FURIN: variants seen among roughly 807,000 people sequenced by gnomAD.
FURIN encodes FES upstream region.
Under a neutral mutation model 89.2 loss-of-function variants are expected in FURIN, and 18 were observed. That is an observed-to-expected ratio of 0.20 (90% CI 0.14 to 0.30). FURIN has a LOEUF of 0.30. Among genes scored for constraint, FURIN ranks in the 10% least tolerant of loss-of-function variants. The pLI is 1.00. For synonymous variants in FURIN, 508 were observed against 466.4 expected (o/e 1.09, Z -1.15); for missense variants, 879 against 1,100.5 (o/e 0.80, Z 2.85).
In FURIN at chr15:90,881,151, TG is replaced by T; in HGVS notation, c.1792+115del. ...AAAGTCTCAAGAGACCTAGGGCCCC[TG>T]GGGCTCTTGGGATGACCACAGTCCT... On this transcript the variant is annotated intron_variant, in intron 15 of 15. Coordinates refer to ENST00000268171, the MANE Select transcript of FURIN (RefSeq NM_002569.4). This position sits in a 1 kb window ranked among gnomAD's most constrained non-coding sequence, Gnocchi z 4.3. 9.2e-7 allele frequency: 1 copy of T among 1,083,236 alleles called. No individual in the cohort carries two copies. Among genetic ancestry groups the T allele is most frequent in the Non-Finnish European group, 1.4e-6 (1 of 725,482 alleles). The allele number at this position is 1,083,236 out of a possible 1,614,324, so 67.1% of individuals were successfully genotyped here.
rs148423424 is a variant in FURIN, at chr15:90,877,138, C to A, written c.505C>A (p.Pro169Thr). The A allele has an allele frequency of 7.6e-4, 1,219 of 1,611,040 alleles. 1 individual carries two copies. Among genetic ancestry groups the A allele is most frequent in the Non-Finnish European group, 9.7e-4 (1,148 of 1,178,376 alleles). The change falls in exon 6 of 16, where the codon CCT becomes ACT. Residue 169 changes from proline to threonine, a missense_variant. This residue lies in a region of FURIN where 139 missense variants were observed against 215.0 expected (regional missense o/e 0.65). Coordinates refer to ENST00000268171, the MANE Select transcript of FURIN (RefSeq NM_002569.4). The stretch of plus-strand genomic sequence containing the variant: ...ATGGTGGCCAAATCCTTCTTAGGAT[C>A]CTGGGGCCAGTTTTGATGTCAATGA... ...NHPDLAGNYD[P>T]GASFDVNDQD...
At position 90,875,625 on chromosome 15, in the gene FURIN, C is replaced by G; in HGVS notation, c.-116C>G. On this transcript the variant is annotated 5_prime_UTR_variant, in exon 2 of 16. Transcript: ENST00000268171. The stretch of plus-strand genomic sequence containing the variant: ...TCCCGAGCCCTGCCCGTCTCGGCCC[C>G]ATGCCCCCACCAGTCAGCCCCGGGC... 1 of 897,980 alleles carries G rather than the reference C, an allele frequency of 1.1e-6. No homozygotes were observed. 55.6% of individuals were successfully genotyped at this position (897,980 alleles called of 1,614,324 possible).
rs1208988568 is a variant in FURIN at position 90,880,255 on chromosome 15, C to G, written c.1538C>G (p.Ser513Cys). 1 of 1,607,070 alleles carries G rather than the reference C, an allele frequency of 6.2e-7. No individual in the cohort carries two copies. Among genetic ancestry groups the G allele is most frequent in the Admixed American group, 1.7e-5 (1 of 59,652 alleles). The change falls in exon 13 of 16, where the codon TCC becomes TGC. Residue 513 changes from serine (S) to cysteine (C), a missense_variant. Transcript: ENST00000268171. ...IHLVSPMGTR[S>C]TLLAARPHDY... Reference sequence around the variant, plus strand: ...CTGGTCAGCCCCATGGGCACCCGCTCCACCCTGCTGGCAGCCAGGTGCTTG... The same window carrying G: ...CTGGTCAGCCCCATGGGCACCCGCTGCACCCTGCTGGCAGCCAGGTGCTTG...
Position 90,876,196 on chromosome 15 carries a change from C to T in FURIN, c.178-59C>T, listed in dbSNP as rs963102119. On this transcript the variant is annotated intron_variant, in intron 2 of 15. Coordinates refer to ENST00000268171, the MANE Select transcript of FURIN (RefSeq NM_002569.4). This position sits in a 1 kb window ranked among gnomAD's most constrained non-coding sequence, Gnocchi z 5.0. ...ATGAAGCCGTTGTCCACCCCCGTCC[C>T]CCGCCTCCCGGGGACTGACAGATGG... 8.6e-7 allele frequency: 1 copy of T among 1,157,048 alleles called. No individual in the cohort carries two copies. Among genetic ancestry groups the T allele is most frequent in the Non-Finnish European group, 1.3e-6 (1 of 796,528 alleles). The allele number at this position is 1,157,048 out of a possible 1,614,324, so 71.7% of individuals were successfully genotyped here.
intron 1 of FURIN, among the ~76,000 whole-genome samples, chr15:90,872,495 G>A (rs1407347877): frequency 6.6e-6 from 1 of 152,192 alleles, no homozygotes; most frequent in Non-Finnish European, 1.5e-5. Context: ...CTGAGCAGGT[G>A]TGGACACAGC....
At position 90,880,728 on chromosome 15, in the gene FURIN, G is replaced by C; in HGVS notation, c.1594G>C (p.Ala532Pro). 1 of 1,614,058 alleles carries C rather than the reference G, an allele frequency of 6.2e-7. No individual in the cohort carries two copies. The highest frequency in any genetic ancestry group is 8.5e-7 in the Non-Finnish European group (1 of 1,179,952). ...DYSADGFNDW[A>P]FMTTHSWDED... is the part of the protein sequence containing the mutation. The stretch of plus-strand genomic sequence containing the variant: ...CTCCGCAGATGGGTTTAATGACTGG[G>C]CCTTCATGACAACTCATTCCTGGGA... The change falls in exon 14 of 16, where the codon GCC (alanine) becomes CCC (proline). Residue 532 changes from alanine to proline, a missense_variant. Coordinates refer to ENST00000268171, the MANE Select transcript of FURIN (RefSeq NM_002569.4).
At chr15:90,870,625 CCTT>C (rs1382959942) in intron 1 of FURIN, among the ~76,000 whole-genome samples, 2 of 152,288 alleles carry the variant, frequency 1.3e-5, no homozygotes, top group East Asian at 1.9e-4. Context: ...GCCACATTTT[CCTT>C]CTTTTCTTTC....
chr15:90,871,001 G>T, intron 1 of FURIN, among the ~76,000 whole-genome samples: 1 of 152,208 alleles, frequency 6.6e-6, no homozygotes, highest in South Asian at 2.1e-4. Context: ...GGCTACTTCT[G>T]CTCATATATC....
At position 90,876,400 on chromosome 15, in the gene FURIN, C is replaced by T. The variant is rs764694405; in HGVS notation, c.276+47C>T. ...TCCTGCTGCCACCCTCCCCCTCCTG[C>T]TCTCAGGAGCCCCTCTCGCCTCCTG... On this transcript the variant is annotated intron_variant, in intron 3 of 15. Coordinates refer to ENST00000268171, the MANE Select transcript of FURIN (RefSeq NM_002569.4). This position sits in a 1 kb window ranked among gnomAD's most constrained non-coding sequence, Gnocchi z 5.0. The T allele has an allele frequency of 1.3e-6, 2 of 1,496,676 alleles. No individual in the cohort carries two copies. Among genetic ancestry groups the T allele is most frequent in the East Asian group, 4.5e-5 (2 of 44,382 alleles). The allele number at this position is 1,496,676 out of a possible 1,614,324, so 92.7% of individuals were successfully genotyped here.
Position 90,876,593 on chromosome 15 carries a change from C to T in FURIN, c.372+36C>T, listed in dbSNP as rs1384585299. 2 of 1,312,000 alleles carry T rather than the reference C, an allele frequency of 1.5e-6. No homozygotes were observed. Among genetic ancestry groups the T allele is most frequent in the Admixed American group, 1.7e-5 (1 of 58,428 alleles). 81.3% of individuals were successfully genotyped at this position (1,312,000 alleles called of 1,614,324 possible). A position where few individuals can be genotyped will look rare whatever the true frequency, so the allele number is the denominator to read the frequency against. On this transcript the variant is annotated intron_variant, in intron 4 of 15. Coordinates refer to ENST00000268171, the MANE Select transcript of FURIN (RefSeq NM_002569.4). The surrounding 1 kb of genome is among the most constrained non-coding windows in gnomAD (Gnocchi z 5.0). ...TTCTTCGCTGCTGGGACCTCCTCCC[C>T]AGATGCACCATCCACCCACTATGAG... is the stretch of plus-strand genomic sequence containing the variant.
chr15:90,874,875 A>G (rs980222145), intron 1 of FURIN, among the ~76,000 whole-genome samples: 1 of 152,182 alleles, frequency 6.6e-6, no homozygotes, highest in African/African-American at 2.4e-5. Context: ...ATACATGTAT[A>G]AATAGTTTTT....
At position 90,876,260 on chromosome 15, in the gene FURIN, C is replaced by T. The variant is rs73489557; in HGVS notation, c.183C>T (p.Phe61=). 1.0e-2 allele frequency: 15,946 copies of T among 1,601,534 alleles called. 225 individuals carry two copies. Among genetic ancestry groups the T allele is most frequent in the African/African-American group, 0.052 (3,876 of 74,738 alleles). ...KHGFLNLGQI[F]GDYYHFWHRG... is the part of the protein sequence containing the mutation. ...GTCTCCCTGCTCTATTGCAGATCTTCGGGGACTATTACCACTTCTGGCATC... is the reference window on the plus strand; with the variant it reads ...GTCTCCCTGCTCTATTGCAGATCTTTGGGGACTATTACCACTTCTGGCATC... Residue 61 remains phenylalanine (F), a synonymous_variant, in exon 3 of 16, where the codon TTC becomes TTT. Coordinates refer to ENST00000268171, the MANE Select transcript of FURIN (RefSeq NM_002569.4). This position sits in a 1 kb window ranked among gnomAD's most constrained non-coding sequence, Gnocchi z 5.0.
At chr15:90,870,061 A>G (rs1385704372) in intron 1 of FURIN, among the ~76,000 whole-genome samples, 1 of 152,238 alleles carries the variant, frequency 6.6e-6, no homozygotes, top group African/African-American at 2.4e-5. Flanking sequence ...TTCCCGCTCA[A>G]CTTTGAGGAC....
At chr15:90,878,063 C>T (rs1856375581) in intron 7 of FURIN, 69 bp from the exon 8 acceptor site, 3 of 1,518,690 alleles carry the variant, frequency 2.0e-6, no homozygotes, top group Non-Finnish European at 1.8e-6. Flanking sequence ...TGGGTGTGCT[C>T]CTTGGGGTGG....
chr15:90,875,114 A>T lies in FURIN; in HGVS notation c.-159-468A>T, dbSNP rs55946970. Reference sequence around the variant, plus strand: ...CAGTGGCGCGATCTTGGCTCACTGCAACCTCCACCTCCTGGGCTCAAGCAA... The same window carrying T: ...CAGTGGCGCGATCTTGGCTCACTGCTACCTCCACCTCCTGGGCTCAAGCAA... On this transcript the variant is annotated intron_variant, in intron 1 of 15. Transcript: ENST00000268171. Among the ~76,000 whole-genome samples, 1,389 of 148,510 alleles carry T rather than the reference A, an allele frequency of 9.4e-3. 20 individuals are homozygous for T. Among genetic ancestry groups the T allele is most frequent in the African/African-American group, 0.034 (1,345 of 39,876 alleles).
chr15:90,870,711 G>A (rs1215044229), intron 1 of FURIN, among the ~76,000 whole-genome samples: 2 of 152,194 alleles, frequency 1.3e-5, no homozygotes, highest in East Asian at 3.9e-4. Context: ...AGAGGCTCCG[G>A]CTGGTATATT....
chr15:90,874,551 CCTAAAAGCA>C (rs1215831128), intron 1 of FURIN, among the ~76,000 whole-genome samples: 2 of 152,228 alleles, frequency 1.3e-5, no homozygotes, highest in Non-Finnish European at 2.9e-5. Context: ...GGACATGGCC[CCTAAAAGCA>C]CCATCCCATT....
At position 90,880,109 on chromosome 15, in the gene FURIN, G is replaced by T. The variant is rs6225; in HGVS notation, c.1392G>T (p.Arg464=). 23,416 of 1,606,142 alleles carry T rather than the reference G, an allele frequency of 0.015. 266 individuals are homozygous for T. Among genetic ancestry groups the T allele is most frequent in the Middle Eastern group, 0.024 (145 of 6,022 alleles). Residue 464 remains arginine, a synonymous_variant, in exon 13 of 16, where the codon CGG becomes CGT. Transcript: ENST00000268171. ...ILTEPKDIGK[R]LEVRKTVTAC... ...TCCTGCACAGAGACATCGGGAAACG[G>T]CTCGAGGTGCGGAAGACCGTGACCG...
In FURIN at chr15:90,876,404, C is replaced by T. The variant is rs73489559; in HGVS notation, c.276+51C>T. On this transcript the variant is annotated intron_variant, in intron 3 of 15. Transcript: ENST00000268171. The surrounding 1 kb of genome is among the most constrained non-coding windows in gnomAD (Gnocchi z 5.0). ...GCTGCCACCCTCCCCCTCCTGCTCT[C>T]AGGAGCCCCTCTCGCCTCCTGCTCC... is the stretch of plus-strand genomic sequence containing the variant. The T allele has an allele frequency of 1.9e-3, 2,969 of 1,524,390 alleles. 53 individuals are homozygous for T. In the African/African-American group the frequency reaches 0.035, roughly 18 times the overall value. The allele number at this position is 1,524,390 out of a possible 1,614,324, so 94.4% of individuals were successfully genotyped here. A position where few individuals can be genotyped will look rare whatever the true frequency, so the allele number is the denominator to read the frequency against.
Sources: gnomAD v4.1 joint callset for allele counts (sites outside exome capture counted in the v4.1 genomes callset) on GRCh38, gnomAD v4.1.1 for gene constraint, gnomAD v4.1.1 regional missense constraint, Gnocchi (gnomAD v3.1) non-coding constraint, MANE v1.5 for transcripts, NCBI Gene and HGNC (gene_info 2026-07-23, HGNC 2026-07-21) for gene names.